Variants in ST3GAL1 observed in about 807,000 individuals in gnomAD.
The protein encoded by ST3GAL1 is ST3 beta-galactoside alpha-2,3-sialyltransferase 1, also known as CMP-N-acetylneuraminate-beta-galactosamide-alpha-2,3-sialyltransferase 1.
ST3GAL1 carries 16 observed loss-of-function variants against 34.1 expected under a neutral mutation model. The ratio of observed to expected loss-of-function variants is 0.47; its 90% confidence interval spans 0.32 to 0.71. ST3GAL1 has a LOEUF of 0.71. Ranked by LOEUF, ST3GAL1 falls within the 30% of genes least tolerant of loss-of-function variation. ST3GAL1 has a pLI of 0.04. For missense variants in ST3GAL1, 353 were observed against 447.4 expected (o/e 0.79, Z 1.90); for synonymous variants, 191 against 184.7 (o/e 1.03, Z -0.28).
intron 2 of ST3GAL1, among the ~76,000 whole-genome samples, chr8:133,511,461 A>G (rs1817495216): frequency 6.6e-6 from 1 of 152,198 alleles, no homozygotes; most frequent in African/African-American, 2.4e-5. Flanking sequence ...CTTGATGTGG[A>G]TTAAGCCATT....
At chr8:133,486,745 G>C (rs993507544) in intron 3 of ST3GAL1, among the ~76,000 whole-genome samples, 5 of 152,144 alleles carry the variant, frequency 3.3e-5, no homozygotes, top group Non-Finnish European at 7.3e-5. Flanking sequence ...GGCTCCCTGC[G>C]CCTCCCAGGA....
At chr8:133,497,252 C>T (rs577971460) in intron 3 of ST3GAL1, among the ~76,000 whole-genome samples, 3 of 152,306 alleles carry the variant, frequency 2.0e-5, no homozygotes, top group South Asian at 2.1e-4. Flanking sequence ...CCTGGAAAGA[C>T]GGGCCTGACA....
intron 2 of ST3GAL1, among the ~76,000 whole-genome samples, chr8:133,509,293 T>C (rs536092353): frequency 1.8e-4 from 27 of 152,348 alleles, no homozygotes; most frequent in African/African-American, 6.3e-4. Flanking sequence ...AGTACAGATA[T>C]TGAATATTTC....
intron 5 of ST3GAL1, among the ~76,000 whole-genome samples, chr8:133,470,999 G>A (rs935715873): frequency 5.3e-5 from 8 of 152,164 alleles, no homozygotes; most frequent in East Asian, 3.9e-4. Flanking sequence ...AGAGGTACCC[G>A]CGCTCCCTTC....
intron 3 of ST3GAL1, among the ~76,000 whole-genome samples, chr8:133,481,407 T>C (rs1468893883): frequency 6.6e-6 from 1 of 152,224 alleles, no homozygotes; most frequent in African/African-American, 2.4e-5. Context: ...CCAATTTCTG[T>C]CTCCCCTGTA....
intron 2 of ST3GAL1, among the ~76,000 whole-genome samples, chr8:133,502,217 G>A (rs1200246260): frequency 3.9e-5 from 6 of 152,182 alleles, no homozygotes; most frequent in South Asian, 2.1e-4. Flanking sequence ...TAGGCCAGAC[G>A]CTGTCCTAAC....
intron 7 of ST3GAL1, among the ~76,000 whole-genome samples, chr8:133,464,143 G>A (rs1318460102): frequency 1.3e-5 from 2 of 152,208 alleles, no homozygotes; most frequent in African/African-American, 2.4e-5. Flanking sequence ...GACAGCACAG[G>A]CTCTGTGTCG....
At chr8:133,533,478 T>C (rs930121612) in intron 2 of ST3GAL1, among the ~76,000 whole-genome samples, 3 of 152,214 alleles carry the variant, frequency 2.0e-5, no homozygotes, top group African/African-American at 7.2e-5. Context: ...GCCATGAGAA[T>C]GGGCTTTCTC....
chr8:133,544,043 A>G (rs1818607839), intron 2 of ST3GAL1: 1 of 152,266 alleles, frequency 6.6e-6, no homozygotes, highest in Non-Finnish European at 1.5e-5. Context: ...TGTGCAGAAT[A>G]CATATCAATT....
At chr8:133,540,103 C>T (rs1339027747) in intron 2 of ST3GAL1, among the ~76,000 whole-genome samples, 2 of 152,152 alleles carry the variant, frequency 1.3e-5, no homozygotes, top group Admixed American at 1.3e-4. Flanking sequence ...TCATTTCACT[C>T]ACGCCACTTG....
In ST3GAL1 at chr8:133,466,101, AG is replaced by A. The variant is rs1283959067; in HGVS notation, c.307-12del. The A allele has an allele frequency of 1.9e-6, 3 of 1,601,556 alleles. No homozygotes were observed. Among genetic ancestry groups the A allele is most frequent in the Non-Finnish European group, 2.6e-6 (3 of 1,171,384 alleles). ...CTCCCGCTGGAGCCTCTGTGGGCGG[AG>A]GACAGAAGGTGGTCAACCTGGCTTT... On this transcript the variant is annotated splice_polypyrimidine_tract_variant and intron_variant, in intron 5 of 9. Coordinates refer to ENST00000522652, the MANE Select transcript of ST3GAL1 (RefSeq NM_173344.3). This position sits in a 1 kb window ranked among gnomAD's most constrained non-coding sequence, Gnocchi z 4.4.
chr8:133,461,784 G>T lies in ST3GAL1; in HGVS notation c.849+91C>A. On this transcript the variant is annotated intron_variant, in intron 9 of 9. Coordinates refer to ENST00000522652, the MANE Select transcript of ST3GAL1 (RefSeq NM_173344.3). The surrounding 1 kb of genome is among the most constrained non-coding windows in gnomAD (Gnocchi z 4.7). Reference sequence around the variant, plus strand: ...CGAGCTTCCGGAAGAGGCAGGCTAGGTCTACCTGCCCTCCCCCTCCCTGGC... The same window carrying T: ...CGAGCTTCCGGAAGAGGCAGGCTAGTTCTACCTGCCCTCCCCCTCCCTGGC... The T allele has an allele frequency of 6.4e-7, 1 of 1,562,984 alleles. No individual in the cohort carries two copies. Among genetic ancestry groups the T allele is most frequent in the Non-Finnish European group, 8.7e-7 (1 of 1,146,616 alleles).
chr8:133,523,148 C>T (rs147062009), intron 2 of ST3GAL1, among the ~76,000 whole-genome samples: 15 of 152,276 alleles, frequency 9.9e-5, no homozygotes, highest in Non-Finnish European at 7.4e-5. Flanking sequence ...TCCCTTCTGC[C>T]CTGCTGAGAG....
In ST3GAL1 at chr8:133,503,237, C is replaced by T. The variant is rs557265598; in HGVS notation, c.-428-4048G>A. On this transcript the variant is annotated intron_variant, in intron 2 of 9. Transcript: ENST00000522652. Reference sequence around the variant, plus strand: ...AGAGTTCCTTTTGCAAGTATTCTAACGCCCCCCAACAAACGTTTGATTTGT... The same window carrying T: ...AGAGTTCCTTTTGCAAGTATTCTAATGCCCCCCAACAAACGTTTGATTTGT... Among the ~76,000 whole-genome samples, 14 of 139,714 alleles carry T rather than the reference C, an allele frequency of 1.0e-4. No homozygotes were observed. The East Asian group carries it at 1.1e-3, about 11-fold the overall frequency. The allele number at this position is 139,714 out of a possible 152,430, so 91.7% of individuals were successfully genotyped here.
intron 2 of ST3GAL1, among the ~76,000 whole-genome samples, chr8:133,542,018 T>C (rs1277434665): frequency 5.3e-5 from 8 of 152,164 alleles, no homozygotes; most frequent in African/African-American, 1.7e-4. Context: ...AATTTGAAAA[T>C]GATCTGAATG....
intron 3 of ST3GAL1, among the ~76,000 whole-genome samples, chr8:133,484,908 G>A (rs902432833): frequency 4.6e-5 from 7 of 152,154 alleles, no homozygotes; most frequent in Non-Finnish European, 1.0e-4. Context: ...TGGGTATCAC[G>A]CACTGGGAAT....
At chr8:133,525,841 G>A (rs1817957579) in intron 2 of ST3GAL1, among the ~76,000 whole-genome samples, 1 of 152,286 alleles carries the variant, frequency 6.6e-6, no homozygotes, top group Non-Finnish European at 1.5e-5. Flanking sequence ...AGATGCCAGG[G>A]AGCGGGAGCA....
intron 2 of ST3GAL1, among the ~76,000 whole-genome samples, chr8:133,531,617 C>T (rs1043154398): frequency 6.6e-6 from 1 of 151,932 alleles, no homozygotes; most frequent in African/African-American, 2.4e-5. Context: ...CCAGTGAAAA[C>T]ACATGGACAC....
chr8:133,529,747 C>T (rs1586644782), intron 2 of ST3GAL1, among the ~76,000 whole-genome samples: 1 of 152,148 alleles, frequency 6.6e-6, no homozygotes, highest in Non-Finnish European at 1.5e-5. Context: ...TCATGCACTG[C>T]CCAGGTTCCC....
Sources: gnomAD v4.1 joint callset for allele counts (sites outside exome capture counted in the v4.1 genomes callset) on GRCh38, gnomAD v4.1.1 for gene constraint, Gnocchi (gnomAD v3.1) non-coding constraint, MANE v1.5 for transcripts, NCBI Gene and HGNC (gene_info 2026-07-23, HGNC 2026-07-21) for gene names.